The following COL22A1 variants were observed in gnomAD, a reference collection of about 807,000 sequenced individuals.
The protein encoded by COL22A1 is collagen type XXII alpha 1 chain.
In COL22A1, 221 loss-of-function variants were observed where a neutral mutation model predicts 248.9. That is an observed-to-expected ratio of 0.89 (90% CI 0.80 to 0.99). The LOEUF (loss-of-function observed/expected upper bound fraction) is 0.99, where lower values mean the gene tolerates loss of function less well. Ranked by LOEUF, COL22A1 falls within the 50% of genes least tolerant of loss-of-function variation. The pLI is 0.00. For synonymous variants in COL22A1, 891 were observed against 793.4 expected, an observed-to-expected ratio of 1.12 and a Z score of -2.07; for missense variants, 2,240 against 2,179.0, an observed-to-expected ratio of 1.03 and a Z score of -0.56.
chr8:138,721,471 T>G (rs1705489630), intron 26 of COL22A1, among the ~76,000 whole-genome samples: 1 of 152,266 alleles, frequency 6.6e-6, no homozygotes, highest in African/African-American at 2.4e-5. Flanking sequence ...CTTACCTTAA[T>G]AATTCTACCA....
Position 138,626,227 on chromosome 8 carries a change from G to C in COL22A1, c.3680C>G (p.Pro1227Arg). Reference sequence around the variant, plus strand: ...TAATCCAGATGGGCCTTGGGGGCCAGGAGGGCCTTCTTTCCCCTAAAAGAT... The same window carrying C: ...TAATCCAGATGGGCCTTGGGGGCCACGAGGGCCTTCTTTCCCCTAAAAGAT... The part of the protein sequence containing the change: ...IQGSPGKEGP[P>R]GPQGPSGLPG... The change falls in exon 51 of 65, where the codon CCT (proline) becomes CGT (arginine). Residue 1227 changes from proline (P) to arginine (R), a missense_variant. Coordinates refer to ENST00000303045, the MANE Select transcript of COL22A1 (RefSeq NM_152888.3). The C allele has an allele frequency of 1.2e-6, 2 of 1,608,270 alleles. No homozygotes were observed. The highest frequency in any genetic ancestry group is 1.7e-6 in the Non-Finnish European group (2 of 1,177,930).
At position 138,725,437 on chromosome 8, in the gene COL22A1, G is replaced by C. The variant is rs201989575; in HGVS notation, c.2143C>G (p.Pro715Ala). Reference protein sequence around the residue: ...GIPGLLGLQGPPGPPGVPGPP... With the variant: ...GIPGLLGLQGAPGPPGVPGPP... ...CCTGGGACACCAGGGGGTCCTGGAG[G>C]GCCCTGTAGAGAAAGAGCATTTGGT... Residue 715 changes from proline to alanine, a missense_variant, in exon 24 of 65, where the codon CCT (proline) becomes GCT (alanine). Pro to Ala is a conservative substitution (Grantham distance 27). Coordinates refer to ENST00000303045, the MANE Select transcript of COL22A1 (RefSeq NM_152888.3). The C allele has an allele frequency of 6.2e-7, 1 of 1,613,352 alleles. No homozygotes were observed. The highest frequency in any genetic ancestry group is 8.5e-7 in the Non-Finnish European group (1 of 1,179,752).
intron 37 of COL22A1, 30 bp downstream of exon 37, chr8:138,688,887 T>C (rs781366431): frequency 6.3e-7 from 1 of 1,595,288 alleles, no homozygotes; most frequent in South Asian, 1.1e-5. Flanking sequence ...GGATATTCAC[T>C]TGTGTGCTGA....
chr8:138,655,853 A>G (rs759074774), intron 45 of COL22A1, 44 bp downstream of exon 45: 1 of 1,506,008 alleles, frequency 6.6e-7, no homozygotes, highest in Non-Finnish European at 9.2e-7. Context: ...CAATCCCGCC[A>G]TCACCATTTT....
chr8:138,695,925 G>A (rs1827471553), intron 32 of COL22A1, among the ~76,000 whole-genome samples: 1 of 152,112 alleles, frequency 6.6e-6, no homozygotes, highest in Non-Finnish European at 1.5e-5. Flanking sequence ...TGTGGACACA[G>A]TCTCAGCTTC....
chr8:138,593,986 C>G (rs200938042), intron 63 of COL22A1, 31 bp downstream of exon 63: 2 of 1,474,684 alleles, frequency 1.4e-6, no homozygotes, highest in African/African-American at 1.5e-5. Context: ...CAGGAGTACA[C>G]GGAGCATATC....
At chr8:138,682,017 T>G (rs1386581640) in intron 39 of COL22A1, among the ~76,000 whole-genome samples, 1 of 152,194 alleles carries the variant, frequency 6.6e-6, no homozygotes, top group African/African-American at 2.4e-5. Context: ...AGTAATTATT[T>G]CTGGAGCCTC....
intron 22 of COL22A1, among the ~76,000 whole-genome samples, chr8:138,746,678 C>G (rs73437352): frequency 0.022 from 3,424 of 152,318 alleles, 130 homozygotes; most frequent in African/African-American, 0.079. Flanking sequence ...TGCTCTGCAC[C>G]CTGTGCTAAT....
chr8:138,849,454 A>G (rs2131893851), intron 3 of COL22A1, among the ~76,000 whole-genome samples: 1 of 152,380 alleles, frequency 6.6e-6, no homozygotes, highest in South Asian at 2.1e-4. Flanking sequence ...AAAGAAAGGC[A>G]TAAAGAAGTT....
intron 12 of COL22A1, among the ~76,000 whole-genome samples, chr8:138,785,429 A>G (rs1171123507): frequency 1.3e-5 from 2 of 152,234 alleles, no homozygotes; most frequent in East Asian, 3.9e-4. Context: ...AGATTTTCCT[A>G]TAGCAGGCAG....
chr8:138,771,855 A>C (rs2131464176), intron 16 of COL22A1, among the ~76,000 whole-genome samples: 1 of 152,240 alleles, frequency 6.6e-6, no homozygotes. Context: ...GGGCCTGCGG[A>C]GAGCTCTTTG....
chr8:138,692,949 C>T (rs560405287), intron 35 of COL22A1, among the ~76,000 whole-genome samples: 17 of 152,258 alleles, frequency 1.1e-4, no homozygotes, highest in East Asian at 3.9e-4. Context: ...ACAGGGCACC[C>T]GGCAGTGGTG....
chr8:138,618,560 G>A (rs1337467784), intron 53 of COL22A1, among the ~76,000 whole-genome samples: 2 of 152,036 alleles, frequency 1.3e-5, no homozygotes, highest in Admixed American at 6.5e-5. Context: ...GTGTTTTCTG[G>A]TGCAATCATG....
intron 1 of COL22A1, among the ~76,000 whole-genome samples, chr8:138,897,570 T>G (rs114558985): frequency 0.017 from 2,591 of 151,842 alleles, 51 homozygotes; most frequent in African/African-American, 0.042. Flanking sequence ...ATAATAATAA[T>G]AATAAGTAAC....
At chr8:138,612,655 A>T (rs1391321835) in intron 56 of COL22A1, among the ~76,000 whole-genome samples, 5 of 152,148 alleles carry the variant, frequency 3.3e-5, no homozygotes, top group African/African-American at 4.8e-5. Context: ...GGCCAGGCGC[A>T]GTGGCTCACG....
rs1816798119 is a variant in COL22A1 at position 138,588,721 on chromosome 8, T to A, written c.*532A>T. The A allele has an allele frequency of 6.6e-6, 1 of 152,386 alleles. No homozygotes were observed. The highest frequency in any genetic ancestry group is 2.4e-5 in the African/African-American group (1 of 41,444). 9.4% of individuals were successfully genotyped at this position (152,386 alleles called of 1,614,324 possible). A position where few individuals can be genotyped will look rare whatever the true frequency, so the allele number is the denominator to read the frequency against. Reference sequence around the variant, plus strand: ...GTTGCAAATTCTTTCTCTTTCTGCTTCTTTACTCTCTCTGGACAGTGGTGG... The same window carrying A: ...GTTGCAAATTCTTTCTCTTTCTGCTACTTTACTCTCTCTGGACAGTGGTGG... On this transcript the variant is annotated 3_prime_UTR_variant, in exon 65 of 65. Coordinates refer to ENST00000303045, the MANE Select transcript of COL22A1 (RefSeq NM_152888.3).
intron 1 of COL22A1, among the ~76,000 whole-genome samples, chr8:138,908,515 A>G (rs2132198084): frequency 6.6e-6 from 1 of 152,336 alleles, no homozygotes; most frequent in East Asian, 1.9e-4. Flanking sequence ...CACGTATGGC[A>G]GTCTGTAATT....
At position 138,649,670 on chromosome 8, in the gene COL22A1, TC is replaced by T. The variant is rs1344611733; in HGVS notation, c.3441del (p.Lys1149ArgfsTer15). 2 of 1,612,588 alleles carry T rather than the reference TC, an allele frequency of 1.2e-6. No homozygotes were observed. The highest frequency in any genetic ancestry group is 1.1e-5 in the South Asian group (1 of 90,794). On this transcript the variant is annotated frameshift_variant, in exon 46 of 65. Coordinates refer to ENST00000303045, the MANE Select transcript of COL22A1 (RefSeq NM_152888.3). LOFTEE classifies it high-confidence loss of function. ...GTTTCCCCTTTTCTCCTTACCTTTTTCCCTTCTGTGCCTTCTCTCCCTGGCT... is the reference window on the plus strand; with the variant it reads ...GTTTCCCCTTTTCTCCTTACCTTTTTCCTTCTGTGCCTTCTCTCCCTGGCT... The part of the protein sequence containing the change: ...PGKPGREGTE[G>X]KKGEAGPPGL...
chr8:138,795,123 C>T (rs1322179897), intron 12 of COL22A1, among the ~76,000 whole-genome samples: 1 of 152,014 alleles, frequency 6.6e-6, no homozygotes, highest in East Asian at 1.9e-4. Flanking sequence ...AAGAAAGTAG[C>T]TACTGAATTT....
Sources: gnomAD v4.1 joint callset for allele counts (sites outside exome capture counted in the v4.1 genomes callset) on GRCh38, gnomAD v4.1.1 for gene constraint, MANE v1.5 for transcripts, NCBI Gene and HGNC (gene_info 2026-07-23, HGNC 2026-07-21) for gene names.